STPG2: variants seen among roughly 807,000 people sequenced by gnomAD.
The protein encoded by STPG2 is sperm-tail PG-rich repeat-containing protein 2.
STPG2 carries 56 observed loss-of-function variants against 54.2 expected under a neutral mutation model. The ratio of observed to expected loss-of-function variants is 1.03; its 90% CI spans 0.83 to 1.29. The LOEUF is 1.29. STPG2 is among the 50% of genes most tolerant of loss of function. The pLI is 0.00. For synonymous variants in STPG2, 200 were observed against 181.8 expected (o/e 1.10, Z -0.81); for missense variants, 596 against 544.9 (o/e 1.09, Z -0.93).
At chr4:97,954,927 A>T (rs1025731410) in intron 7 of STPG2, among the ~76,000 whole-genome samples, 7 of 152,206 alleles carry the variant, frequency 4.6e-5, no homozygotes, top group Admixed American at 3.9e-4. Context: ...GAGTTAGCAG[A>T]CAAGAACTTT....
At chr4:97,480,736 C>G (rs1411022574) in intron 4 of STPG2, among the ~76,000 whole-genome samples, 1 of 151,368 alleles carries the variant, frequency 6.6e-6, no homozygotes, top group Non-Finnish European at 1.5e-5. Context: ...CTGTGAAATG[C>G]CTATTCAAAT....
chr4:97,704,155 A>C (rs1468767039), intron 10 of STPG2, among the ~76,000 whole-genome samples: 1 of 152,080 alleles, frequency 6.6e-6, no homozygotes, highest in African/African-American at 2.4e-5. Context: ...CCTAACAGAC[A>C]CACCCAGGAT....
chr4:97,821,894 C>T (rs1464219442), intron 9 of STPG2, among the ~76,000 whole-genome samples: 1 of 152,174 alleles, frequency 6.6e-6, no homozygotes, highest in South Asian at 2.1e-4. Context: ...AGAAGAGCTG[C>T]CAAAAAGATC....
intron 4 of STPG2, among the ~76,000 whole-genome samples, chr4:97,485,718 T>C (rs1054932829): frequency 6.7e-6 from 1 of 150,136 alleles, no homozygotes; most frequent in East Asian, 2.0e-4. Flanking sequence ...AAAATTCATA[T>C]GAAGCCTGCA....
intron 9 of STPG2, among the ~76,000 whole-genome samples, chr4:97,810,462 C>CA (rs11386288): frequency 0.51 from 57,193 of 112,614 alleles, 12,131 homozygotes; most frequent in East Asian, 0.58. Flanking sequence ...GACTCTGTCT[C>CA]AAAAAAAAAA....
At chr4:97,911,295 C>T (rs573967034) in intron 8 of STPG2, among the ~76,000 whole-genome samples, 1 of 152,368 alleles carries the variant, frequency 6.6e-6, no homozygotes, top group South Asian at 2.1e-4. Flanking sequence ...AGGCAGGACA[C>T]CCGTCCATTC....
chr4:97,739,592 G>A (rs1402953288), intron 9 of STPG2, among the ~76,000 whole-genome samples: 9 of 152,130 alleles, frequency 5.9e-5, no homozygotes, highest in Admixed American at 2.0e-4. Flanking sequence ...ACACCTCTAC[G>A]CAAATAAACT....
intron 4 of STPG2, among the ~76,000 whole-genome samples, chr4:97,548,800 T>C (rs17026779): frequency 0.068 from 10,302 of 152,236 alleles, 980 homozygotes; most frequent in African/African-American, 0.21. Context: ...TACTAAAAGA[T>C]ACACAAGGTA....
At chr4:97,755,867 T>A (rs867336000) in intron 9 of STPG2, among the ~76,000 whole-genome samples, 2 of 152,156 alleles carry the variant, frequency 1.3e-5, no homozygotes, top group South Asian at 4.1e-4. Context: ...TGGATAGAAG[T>A]CTTAGGAAAG....
At chr4:97,599,013 A>C (rs1238808576) in intron 10 of STPG2, among the ~76,000 whole-genome samples, 1 of 152,204 alleles carries the variant, frequency 6.6e-6, no homozygotes, top group Non-Finnish European at 1.5e-5. Flanking sequence ...CAAGCTATGC[A>C]TTCTACAAAG....
intron 7 of STPG2, among the ~76,000 whole-genome samples, chr4:97,968,074 G>A (rs906911838): frequency 2.0e-5 from 3 of 152,050 alleles, no homozygotes; most frequent in Non-Finnish European, 4.4e-5. Context: ...TCCAGGAGCT[G>A]GTTTTTTGAA....
At chr4:97,769,789 T>C (rs1225640211) in intron 9 of STPG2, among the ~76,000 whole-genome samples, 2 of 152,148 alleles carry the variant, frequency 1.3e-5, no homozygotes, top group African/African-American at 4.8e-5. Flanking sequence ...TTTATATGTA[T>C]AGACAGCATC....
intron 4 of STPG2, among the ~76,000 whole-genome samples, chr4:97,529,916 G>A (rs1346350416): frequency 6.6e-6 from 1 of 151,954 alleles, no homozygotes; most frequent in Non-Finnish European, 1.5e-5. Context: ...CTGCTATTAT[G>A]TCATTCTGTA....
chr4:97,849,550 C>T (rs1263288848), intron 8 of STPG2, among the ~76,000 whole-genome samples: 2 of 152,002 alleles, frequency 1.3e-5, no homozygotes, highest in Admixed American at 1.3e-4. Context: ...CCAGAATCTA[C>T]AATGAACTCA....
chr4:98,024,100 A>T (rs950845987), intron 5 of STPG2, among the ~76,000 whole-genome samples: 5 of 152,188 alleles, frequency 3.3e-5, no homozygotes, highest in African/African-American at 9.7e-5. Flanking sequence ...ATGGAAATGC[A>T]GAAATCACCT....
chr4:97,907,751 A>G (rs926528049), intron 8 of STPG2, among the ~76,000 whole-genome samples: 2 of 152,242 alleles, frequency 1.3e-5, no homozygotes, highest in Admixed American at 1.3e-4. Context: ...AAACCTCAGA[A>G]AAACAAGCAA....
chr4:98,143,005 G>A (rs1452050310), intron 1 of STPG2, 37 bp downstream of exon 1: 2 of 1,550,498 alleles, frequency 1.3e-6, no homozygotes, highest in Admixed American at 1.8e-5. Flanking sequence ...AAGATAGGAT[G>A]CCTGTCACAG....
intron 5 of STPG2, among the ~76,000 whole-genome samples, chr4:98,015,198 T>C (rs1026441932): frequency 2.6e-5 from 4 of 152,060 alleles, no homozygotes; most frequent in South Asian, 2.1e-4. Context: ...AAACCCAAAA[T>C]AGACAAATGG....
intron 4 of STPG2, among the ~76,000 whole-genome samples, chr4:97,518,144 G>A (rs1270784286): frequency 6.6e-6 from 1 of 152,102 alleles, no homozygotes; most frequent in Non-Finnish European, 1.5e-5. Context: ...CTAATGGTAT[G>A]TGCAGGCTGA....
Sources: allele counts gnomAD v4.1 joint callset (sites outside exome capture counted in the v4.1 genomes callset), GRCh38; gene constraint gnomAD v4.1.1; transcripts MANE v1.5; gene names NCBI Gene and HGNC (gene_info 2026-07-23, HGNC 2026-07-21).